AGMO: variants seen among roughly 807,000 people sequenced by gnomAD.
AGMO encodes the protein glyceryl-ether monooxygenase.
In AGMO, 75 loss-of-function variants were observed where a neutral mutation model predicts 60.2. The observed-to-expected ratio is 1.25, with a 90% CI of 1.03 to 1.51. The LOEUF is 1.51. AGMO is among the 40% of genes most tolerant of loss of function. The pLI, the probability that AGMO is intolerant of heterozygous loss-of-function variation, is 0.00. For synonymous variants in AGMO, 261 were observed against 177.1 expected (o/e 1.47, Z -3.76); for missense variants, 763 against 525.5 (o/e 1.45, Z -4.42).
chr7:15,233,144 A>G (rs1434594087), intron 12 of AGMO, among the ~76,000 whole-genome samples: 1 of 152,216 alleles, frequency 6.6e-6, no homozygotes, highest in African/African-American at 2.4e-5. Flanking sequence ...TGGAGACACC[A>G]GGGAAGGAGA....
intron 12 of AGMO, among the ~76,000 whole-genome samples, chr7:15,335,226 C>A (rs1349713340): frequency 6.6e-6 from 1 of 152,028 alleles, no homozygotes; most frequent in African/African-American, 2.4e-5. Context: ...TTTGATAGAG[C>A]TGGATGTGGA....
intron 12 of AGMO, among the ~76,000 whole-genome samples, chr7:15,256,475 T>G (rs1783102065): frequency 6.6e-6 from 1 of 152,152 alleles, no homozygotes; most frequent in African/African-American, 2.4e-5. Context: ...CCCGAGTAGC[T>G]GGGACTACAG....
At chr7:15,450,822 C>T (rs1008481701) in intron 3 of AGMO, among the ~76,000 whole-genome samples, 12 of 152,210 alleles carry the variant, frequency 7.9e-5, no homozygotes, top group African/African-American at 2.9e-4. Flanking sequence ...AAAACCAACT[C>T]ATTAGGCAAG....
intron 3 of AGMO, among the ~76,000 whole-genome samples, chr7:15,535,349 A>G (rs1390194950): frequency 6.6e-6 from 1 of 151,848 alleles, no homozygotes; most frequent in Non-Finnish European, 1.5e-5. Flanking sequence ...CTTTCTTTTT[A>G]CCTTTGGAAT....
chr7:15,352,001 A>G, intron 12 of AGMO, among the ~76,000 whole-genome samples: 1 of 152,350 alleles, frequency 6.6e-6, no homozygotes, highest in South Asian at 2.1e-4. Context: ...ATAGCTTGTT[A>G]ATTCACATTA....
At chr7:15,369,644 C>T (rs1783123318) in intron 10 of AGMO, among the ~76,000 whole-genome samples, 1 of 152,056 alleles carries the variant, frequency 6.6e-6, no homozygotes, top group Admixed American at 6.6e-5. Context: ...TGTTTTATTG[C>T]TCTTCATATG....
chr7:15,141,331 C>T, the AGMO span, among the ~76,000 whole-genome samples: 1 of 152,122 alleles, frequency 6.6e-6, no homozygotes, highest in Non-Finnish European at 1.5e-5. Flanking sequence ...CGTCTGTAAT[C>T]CCAACACTTT....
chr7:15,329,014 G>T (rs1297789350), intron 12 of AGMO, among the ~76,000 whole-genome samples: 1 of 152,102 alleles, frequency 6.6e-6, no homozygotes, highest in Admixed American at 6.6e-5. Context: ...AGTTTGCCAA[G>T]AGTTCATAGA....
At chr7:15,136,917 C>A in the AGMO span, among the ~76,000 whole-genome samples, 3 of 152,158 alleles carry the variant, frequency 2.0e-5, no homozygotes, top group South Asian at 6.2e-4. Context: ...CACTGAAATT[C>A]TAGCCTAAAG....
intron 3 of AGMO, among the ~76,000 whole-genome samples, chr7:15,453,282 G>GA (rs1363887641): frequency 2.0e-5 from 3 of 152,038 alleles, no homozygotes; most frequent in African/African-American, 7.2e-5. Context: ...AAAGAAAGGG[G>GA]AAAAAAGAAG....
At chr7:15,234,444 A>G (rs575632053) in intron 12 of AGMO, among the ~76,000 whole-genome samples, 216 of 152,362 alleles carry the variant, frequency 1.4e-3, no homozygotes, top group African/African-American at 4.8e-3. Flanking sequence ...GGTCTTGCCT[A>G]CATGCAAACT....
chr7:15,524,367 C>T (rs983646503), intron 3 of AGMO, among the ~76,000 whole-genome samples: 19 of 151,628 alleles, frequency 1.3e-4, no homozygotes, highest in Non-Finnish European at 2.2e-4. Context: ...TTGATTCAGA[C>T]GATTTTCAAA....
chr7:15,373,580 G>A (rs1054690496), intron 10 of AGMO, among the ~76,000 whole-genome samples: 1 of 152,046 alleles, frequency 6.6e-6, no homozygotes, highest in Non-Finnish European at 1.5e-5. Context: ...ACTCTTGCAT[G>A]GGAAAACCTT....
chr7:15,123,011 T>C, the AGMO span, among the ~76,000 whole-genome samples: 3 of 152,216 alleles, frequency 2.0e-5, no homozygotes, highest in East Asian at 5.8e-4. Flanking sequence ...GTTTTCCTAA[T>C]CCCTGTCATG....
chr7:15,148,781 A>G, the AGMO span, among the ~76,000 whole-genome samples: 196 of 152,268 alleles, frequency 1.3e-3, 1 homozygote, highest in African/African-American at 4.5e-3. Flanking sequence ...TAGGATTAAC[A>G]TAGAAGTGCA....
At chr7:15,125,279 G>C in the AGMO span, among the ~76,000 whole-genome samples, 1 of 152,046 alleles carries the variant, frequency 6.6e-6, no homozygotes, top group African/African-American at 2.4e-5. Context: ...AGAGCACAGA[G>C]GCTGGAATTG....
chr7:15,473,862 G>A, intron 3 of AGMO, among the ~76,000 whole-genome samples: 1 of 152,078 alleles, frequency 6.6e-6, no homozygotes, highest in East Asian at 1.9e-4. Context: ...AAAGTCTAAG[G>A]ATACAAAATC....
At chr7:15,350,086 T>C (rs907153167) in intron 12 of AGMO, among the ~76,000 whole-genome samples, 1 of 152,166 alleles carries the variant, frequency 6.6e-6, no homozygotes, top group African/African-American at 2.4e-5. Flanking sequence ...GAGAATTAAG[T>C]GGCTTTCCTC....
At chr7:15,527,006 C>T (rs11981675) in intron 3 of AGMO, among the ~76,000 whole-genome samples, 2,070 of 152,140 alleles carry the variant, frequency 0.014, 63 homozygotes, top group African/African-American at 0.047. Flanking sequence ...ACCTGCAGTT[C>T]CCCTGTCTTT....
Sources: allele counts gnomAD v4.1 joint callset (sites outside exome capture counted in the v4.1 genomes callset), GRCh38; gene constraint gnomAD v4.1.1; transcripts MANE v1.5; gene names NCBI Gene and HGNC (gene_info 2026-07-23, HGNC 2026-07-21).